The following ITGB6 variants were observed in gnomAD, a reference collection of about 807,000 sequenced individuals.
The protein encoded by ITGB6 is integrin beta-6.
Under a neutral mutation model 84.5 loss-of-function variants are expected in ITGB6, and 80 were observed. The ratio of observed to expected loss-of-function variants is 0.95; its 90% CI spans 0.79 to 1.14. The LOEUF (loss-of-function observed/expected upper bound fraction) is 1.14, where lower values mean the gene tolerates loss of function less well. Among genes scored for constraint, ITGB6 ranks in the 50% most tolerant of loss-of-function variants. ITGB6 has a pLI of 0.00. For synonymous variants in ITGB6, 383 were observed against 354.9 expected (o/e 1.08, Z -0.89); for missense variants, 1,006 against 968.0 (o/e 1.04, Z -0.52).
chr2:160,125,579 G>A (rs1317570932), intron 11 of ITGB6, among the ~76,000 whole-genome samples: 1 of 152,162 alleles, frequency 6.6e-6, no homozygotes, highest in Non-Finnish European at 1.5e-5. Context: ...TAACCACTGA[G>A]TGAAAAATTG....
rs773789321 is a variant in ITGB6 at position 160,126,603 on chromosome 2, T to C, written c.1661-2A>G. The C allele has an allele frequency of 6.2e-7, 1 of 1,611,944 alleles. No individual in the cohort carries two copies. The highest frequency in any genetic ancestry group is 8.5e-7 in the Non-Finnish European group (1 of 1,179,186). The stretch of plus-strand genomic sequence containing the variant: ...CACCACAGTCACAGTCGCCGTTACC[T>C]GTAACACAAAATGCTCTATGCTTCT... On this transcript the variant is annotated splice_acceptor_variant, in intron 10 of 14. Transcript: ENST00000283249. LOFTEE classifies it high-confidence loss of function.
At chr2:160,141,770 T>G (rs1363098549) in intron 8 of ITGB6, among the ~76,000 whole-genome samples, 3 of 152,204 alleles carry the variant, frequency 2.0e-5, no homozygotes, top group Non-Finnish European at 4.4e-5. Flanking sequence ...TGATCAGTTT[T>G]ATGATTTTTC....
chr2:160,169,241 C>T lies in ITGB6; in HGVS notation c.988G>A (p.Val330Ile). 3.1e-6 allele frequency: 5 copies of T among 1,603,378 alleles called. No individual in the cohort carries two copies. The highest frequency in any genetic ancestry group is 4.3e-6 in the Non-Finnish European group (5 of 1,175,676). Residue 330 changes from valine (V) to isoleucine (I), a missense_variant, in exon 7 of 15, where the codon GTA becomes ATA. Transcript: ENST00000283249. ...TATAAATGAACTTGTTCTTGGGTTACAGCGAAGATCAATAACACGTTGTTT... is the reference window on the plus strand; with the variant it reads ...TATAAATGAACTTGTTCTTGGGTTATAGCGAAGATCAATAACACGTTGTTT... Reference protein sequence around the residue: ...VQNNVLLIFAVTQEQVHLYEN... With the variant: ...VQNNVLLIFAITQEQVHLYEN...
intron 7 of ITGB6, among the ~76,000 whole-genome samples, chr2:160,158,328 A>T (rs889045711): frequency 5.9e-5 from 9 of 152,240 alleles, no homozygotes; most frequent in Admixed American, 5.2e-4. Context: ...TGGAGCACAC[A>T]GCTGAGCGAG....
intron 11 of ITGB6, 98 bp downstream of exon 11, chr2:160,126,281 G>A (rs1683237350): frequency 1.8e-6 from 2 of 1,121,608 alleles, no homozygotes; most frequent in Non-Finnish European, 2.6e-6. Flanking sequence ...GACCAAACCA[G>A]CAAATACAAT....
chr2:160,165,693 T>C (rs1278995664), intron 7 of ITGB6, among the ~76,000 whole-genome samples: 1 of 152,162 alleles, frequency 6.6e-6, no homozygotes, highest in African/African-American at 2.4e-5. Flanking sequence ...TTATGTTTGT[T>C]TATAGATCTA....
intron 7 of ITGB6, among the ~76,000 whole-genome samples, chr2:160,161,580 C>G (rs146279930): frequency 0.015 from 2,242 of 152,276 alleles, 58 homozygotes; most frequent in Admixed American, 0.053. Flanking sequence ...CATGAACCAC[C>G]ATGCCCGGCC....
intron 4 of ITGB6, among the ~76,000 whole-genome samples, chr2:160,191,077 G>A (rs1574144562): frequency 6.6e-6 from 1 of 152,090 alleles, no homozygotes; most frequent in Non-Finnish European, 1.5e-5. Flanking sequence ...TTTAAAAATG[G>A]GGCCAAAAGC....
intron 4 of ITGB6, among the ~76,000 whole-genome samples, chr2:160,192,830 T>C (rs1032211117): frequency 2.0e-5 from 3 of 151,906 alleles, no homozygotes; most frequent in Admixed American, 6.6e-5. Flanking sequence ...GGGCAAAAGA[T>C]TTGAAAAGAA....
intron 14 of ITGB6, among the ~76,000 whole-genome samples, chr2:160,102,865 T>C (rs758646795): frequency 6.6e-6 from 1 of 152,216 alleles, no homozygotes; most frequent in Non-Finnish European, 1.5e-5. Flanking sequence ...GGTGTCCCTA[T>C]CTGTTCCTAC....
chr2:160,128,959 A>G (rs891156200), intron 10 of ITGB6, among the ~76,000 whole-genome samples: 2 of 152,090 alleles, frequency 1.3e-5, no homozygotes, highest in Admixed American at 6.6e-5. Context: ...CCATTAGGGA[A>G]AGGTGGTACT....
intron 7 of ITGB6, among the ~76,000 whole-genome samples, chr2:160,166,879 TG>T (rs1159438342): frequency 6.6e-6 from 1 of 152,220 alleles, no homozygotes; most frequent in Non-Finnish European, 1.5e-5. Context: ...ACTACACACC[TG>T]GGCGGTCCAA....
intron 4 of ITGB6, among the ~76,000 whole-genome samples, chr2:160,182,331 G>A (rs951037210): frequency 1.7e-4 from 26 of 152,120 alleles, no homozygotes; most frequent in Non-Finnish European, 5.9e-5. Flanking sequence ...CACAGCACGA[G>A]AACTTCATGA....
At chr2:160,153,666 A>C (rs1290858264) in intron 7 of ITGB6, among the ~76,000 whole-genome samples, 1 of 152,180 alleles carries the variant, frequency 6.6e-6, no homozygotes, top group Non-Finnish European at 1.5e-5. Flanking sequence ...ACAGAATGGG[A>C]GAAAATTTTT....
chr2:160,199,977 A>G (rs1278016384), intron 1 of ITGB6, 26 bp downstream of exon 1: 1 of 1,573,264 alleles, frequency 6.4e-7, no homozygotes, highest in African/African-American at 1.4e-5. Flanking sequence ...CCACGAAAGT[A>G]ATATATCAGA....
Position 160,196,394 on chromosome 2 carries a change from G to T in ITGB6, c.168C>A (p.Gly56=). The T allele has an allele frequency of 6.2e-7, 1 of 1,613,414 alleles. No individual in the cohort carries two copies. The highest frequency in any genetic ancestry group is 8.5e-7 in the Non-Finnish European group (1 of 1,179,610). Reference sequence around the variant, plus strand: ...GGTTTGCTGGGGTATCACACCTTTCGCCAACTCCAGATGGATGAGTAAAAT... The same window carrying T: ...GGTTTGCTGGGGTATCACACCTTTCTCCAACTCCAGATGGATGAGTAAAAT... The part of the protein sequence containing the change: ...QENFTHPSGV[G]ERCDTPANLL... Residue 56 remains glycine (G), a synonymous_variant, in exon 3 of 15, where the codon GGC becomes GGA. Transcript: ENST00000283249.
intron 7 of ITGB6, among the ~76,000 whole-genome samples, chr2:160,161,939 G>A (rs1684832005): frequency 6.6e-6 from 1 of 152,236 alleles, no homozygotes; most frequent in South Asian, 2.1e-4. Flanking sequence ...CACTTGTAAT[G>A]CTGCACAACT....
At position 160,122,834 on chromosome 2, in the gene ITGB6, G is replaced by A. The variant is rs1444180606; in HGVS notation, c.1981+957C>T. ...ATTAACTCAATCCATGCTGGAAATGGATTAATTTCCGTATTCTAATTCCAT... is the reference window on the plus strand; with the variant it reads ...ATTAACTCAATCCATGCTGGAAATGAATTAATTTCCGTATTCTAATTCCAT... On this transcript the variant is annotated intron_variant, in intron 12 of 14. Coordinates refer to ENST00000283249, the MANE Select transcript of ITGB6 (RefSeq NM_000888.5). 3.9e-5 allele frequency among the ~76,000 whole-genome samples: 6 copies of A among 152,154 alleles called. No homozygotes were observed. The South Asian group carries it at 1.0e-3, about 26-fold the overall frequency.
At chr2:160,136,336 C>A (rs1409269385) in intron 10 of ITGB6, among the ~76,000 whole-genome samples, 1 of 152,104 alleles carries the variant, frequency 6.6e-6, no homozygotes, top group Non-Finnish European at 1.5e-5. Context: ...AAATGCAAAT[C>A]AAAACCACAA....
Sources: allele counts gnomAD v4.1 joint callset (sites outside exome capture counted in the v4.1 genomes callset), GRCh38; gene constraint gnomAD v4.1.1; transcripts MANE v1.5; gene names NCBI Gene and HGNC (gene_info 2026-07-23, HGNC 2026-07-21).